Variants in NRG3 observed in about 807,000 individuals in gnomAD.
NRG3 encodes pro-neuregulin-3, membrane-bound isoform.
Under a neutral mutation model 66.9 loss-of-function variants are expected in NRG3, and 31 were observed. That is an observed-to-expected ratio of 0.46 (90% CI 0.35 to 0.63). NRG3 has a LOEUF of 0.63. Among genes scored for constraint, NRG3 ranks in the 20% least tolerant of loss-of-function variants. The pLI, the probability that NRG3 is intolerant of heterozygous loss-of-function variation, is 0.00. For synonymous variants in NRG3, 393 were observed against 359.4 expected, an observed-to-expected ratio of 1.09 and a Z score of -1.06; for missense variants, 910 against 878.9, an observed-to-expected ratio of 1.04 and a Z score of -0.45.
intron 4 of NRG3, among the ~76,000 whole-genome samples, chr10:82,894,806 G>A (rs1591856847): frequency 6.6e-6 from 1 of 152,046 alleles, no homozygotes; most frequent in African/African-American, 2.4e-5. Flanking sequence ...GTACACATGT[G>A]CCATGGTGGT....
chr10:82,349,324 T>C (rs529931957), intron 1 of NRG3, among the ~76,000 whole-genome samples: 1 of 151,596 alleles, frequency 6.6e-6, no homozygotes, highest in Non-Finnish European at 1.5e-5. Context: ...ATACCCTGCC[T>C]TGTGAGATGT....
At chr10:82,607,822 A>T (rs1456871123) in intron 2 of NRG3, among the ~76,000 whole-genome samples, 2 of 152,066 alleles carry the variant, frequency 1.3e-5, no homozygotes, top group Non-Finnish European at 2.9e-5. Flanking sequence ...ATTTAATATA[A>T]AACAATAATA....
At chr10:82,918,789 A>G (rs966184624) in intron 4 of NRG3, among the ~76,000 whole-genome samples, 1 of 152,208 alleles carries the variant, frequency 6.6e-6, no homozygotes, top group Non-Finnish European at 1.5e-5. Flanking sequence ...TCTCAATGTG[A>G]CAAGAAAAGC....
intron 2 of NRG3, among the ~76,000 whole-genome samples, chr10:82,718,992 T>G (rs966368776): frequency 1.3e-5 from 2 of 152,178 alleles, no homozygotes; most frequent in Non-Finnish European, 2.9e-5. Flanking sequence ...ATGAAAAAAC[T>G]AGAGCTTTGT....
intron 1 of NRG3, among the ~76,000 whole-genome samples, chr10:82,050,588 A>G (rs1429624453): frequency 6.6e-6 from 1 of 152,046 alleles, no homozygotes; most frequent in Non-Finnish European, 1.5e-5. Context: ...TATAACTCAC[A>G]TTATTTGGCA....
intron 1 of NRG3, among the ~76,000 whole-genome samples, chr10:81,910,840 T>C (rs1845067383): frequency 6.6e-6 from 1 of 152,116 alleles, no homozygotes; most frequent in Admixed American, 6.6e-5. Context: ...TTTTATTTTA[T>C]AGAGAAAGAA....
intron 3 of NRG3, among the ~76,000 whole-genome samples, chr10:82,768,104 G>A (rs1191902011): frequency 1.3e-5 from 2 of 152,240 alleles, no homozygotes; most frequent in Admixed American, 6.5e-5. Flanking sequence ...TTCTAAAGGC[G>A]GATGCCTGAC....
chr10:82,630,934 T>G lies in NRG3; in HGVS notation c.954-107643T>G, dbSNP rs113598045. On this transcript the variant is annotated intron_variant, in intron 2 of 8. Coordinates refer to ENST00000372141, the MANE Select transcript of NRG3 (RefSeq NM_001010848.4). ...TTCACAAAGACTTTTTTTCTTTAAA[T>G]TATACTGCTAGCCTGGGATTATTGA... is the stretch of plus-strand genomic sequence containing the variant. Among the ~76,000 whole-genome samples the G allele has an allele frequency of 5.1e-3, 769 of 152,270 alleles. 5 individuals are homozygous for G. Among genetic ancestry groups the G allele is most frequent in the African/African-American group, 0.017 (711 of 41,538 alleles).
chr10:82,344,051 C>CT (rs143803207), intron 1 of NRG3, among the ~76,000 whole-genome samples: 3,351 of 146,724 alleles, frequency 0.023, 132 homozygotes, highest in African/African-American at 0.082. Context: ...AAAAAAACTG[C>CT]TTTTTTTTTC....
At chr10:82,383,516 T>C (rs901266032) in intron 2 of NRG3, among the ~76,000 whole-genome samples, 4 of 152,068 alleles carry the variant, frequency 2.6e-5, no homozygotes, top group African/African-American at 4.8e-5. Context: ...TTTACATTTT[T>C]AATAATGAAA....
chr10:82,927,928 C>A (rs1002698613), intron 4 of NRG3, among the ~76,000 whole-genome samples: 53 of 152,168 alleles, frequency 3.5e-4, no homozygotes, highest in African/African-American at 1.3e-3. Context: ...CACTGTCATC[C>A]ACAATGGTTG....
rs562404988 is a variant in NRG3, at chr10:82,691,235, A to G, written c.954-47342A>G. Among the ~76,000 whole-genome samples, 70 of 152,330 alleles carry G rather than the reference A, an allele frequency of 4.6e-4. 1 individual carries two copies. The highest frequency in any genetic ancestry group is 1.2e-3 in the Admixed American group (18 of 15,304). On this transcript the variant is annotated intron_variant, in intron 2 of 8. Transcript: ENST00000372141. ...CTACCCCACTCTCTCATGCCGAGAA[A>G]AAACAGCTTCACAACACAAAGCTTT...
intron 2 of NRG3, among the ~76,000 whole-genome samples, chr10:82,487,085 A>T (rs958972631): frequency 6.7e-6 from 1 of 148,454 alleles, no homozygotes; most frequent in Non-Finnish European, 1.5e-5. Context: ...TATATAATAC[A>T]CTATATATAT....
intron 2 of NRG3, among the ~76,000 whole-genome samples, chr10:82,377,448 G>A (rs1164185692): frequency 3.9e-5 from 5 of 127,878 alleles, no homozygotes; most frequent in Admixed American, 3.7e-4. Context: ...GTGTGTGTGT[G>A]TGTGTGTGTG....
chr10:82,838,325 T>C (rs2062880776), intron 3 of NRG3, among the ~76,000 whole-genome samples: 1 of 152,116 alleles, frequency 6.6e-6, no homozygotes, highest in African/African-American at 2.4e-5. Context: ...TGTCTGTGTA[T>C]GTTAAATTAA....
intron 1 of NRG3, among the ~76,000 whole-genome samples, chr10:82,134,667 TA>T (rs1443041848): frequency 6.6e-6 from 1 of 152,156 alleles, no homozygotes; most frequent in Non-Finnish European, 1.5e-5. Context: ...TGTAGCCCTG[TA>T]GTATAGTTTG....
intron 4 of NRG3, among the ~76,000 whole-genome samples, chr10:82,882,980 C>T (rs539547242): frequency 1.3e-5 from 2 of 152,310 alleles, no homozygotes; most frequent in African/African-American, 4.8e-5. Context: ...TCATACCTCT[C>T]TCACAGGAAT....
intron 3 of NRG3, among the ~76,000 whole-genome samples, chr10:82,817,860 C>T (rs1591617297): frequency 6.6e-6 from 1 of 152,230 alleles, no homozygotes; most frequent in Non-Finnish European, 1.5e-5. Context: ...GAAGACCCAG[C>T]TTGCTCAGGT....
intron 2 of NRG3, among the ~76,000 whole-genome samples, chr10:82,539,601 A>G (rs1011496368): frequency 2.2e-4 from 34 of 151,686 alleles, no homozygotes; most frequent in African/African-American, 6.8e-4. Context: ...ATTGTTAACC[A>G]GCTCCCATCT....
Sources: gnomAD v4.1 joint callset for allele counts (sites outside exome capture counted in the v4.1 genomes callset) on GRCh38, gnomAD v4.1.1 for gene constraint, MANE v1.5 for transcripts, NCBI Gene and HGNC (gene_info 2026-07-23, HGNC 2026-07-21) for gene names.